UBE2F: variants seen among roughly 807,000 people sequenced by gnomAD.
UBE2F encodes the protein NEDD8-conjugating enzyme UBE2F.
UBE2F carries 5 observed loss-of-function variants against 29.6 expected under a neutral mutation model. The observed-to-expected ratio is 0.17, with a 90% CI of 0.09 to 0.36. UBE2F has a LOEUF of 0.36. Among genes scored for constraint, UBE2F ranks in the 10% least tolerant of loss-of-function variants. UBE2F has a pLI of 1.00. For missense variants in UBE2F, 141 were observed against 228.5 expected (o/e 0.62, Z 2.47); for synonymous variants, 66 against 81.8 (o/e 0.81, Z 1.04).
chr2:238,036,369 G>A (rs1484547787), intron 9 of UBE2F, among the ~76,000 whole-genome samples: 1 of 151,962 alleles, frequency 6.6e-6, no homozygotes, highest in Non-Finnish European at 1.5e-5. Flanking sequence ...TTGTAGAGAT[G>A]GAGTCTCGCT....
Position 237,972,541 on chromosome 2 carries a change from ATTTTT to A in UBE2F, c.-16-528_-16-524del, listed in dbSNP as rs57914670. ...AATGCATGACTCTTTTTAATTTTAAATTTTTTTTTTTTTTTTTTTTTTTTTTTGAG... is the reference window on the plus strand; with the variant it reads ...AATGCATGACTCTTTTTAATTTTAAATTTTTTTTTTTTTTTTTTTTTTGAG... On this transcript the variant is annotated intron_variant, in intron 1 of 9. Transcript: ENST00000272930. 1.1e-3 allele frequency among the ~76,000 whole-genome samples: 142 copies of A among 124,212 alleles called. 5 individuals carry two copies. The highest frequency in any genetic ancestry group is 3.0e-3 in the African/African-American group (99 of 33,270). 81.5% of individuals were successfully genotyped at this position (124,212 alleles called of 152,430 possible).
chr2:238,033,114 G>A (rs938965155), intron 8 of UBE2F, among the ~76,000 whole-genome samples: 12 of 152,202 alleles, frequency 7.9e-5, no homozygotes, highest in African/African-American at 2.7e-4. Flanking sequence ...AGGTGTTCTG[G>A]TTGGGGTGGA....
chr2:238,025,252 T>A lies in UBE2F; in HGVS notation c.283-90T>A. 6 of 1,110,012 alleles carry A rather than the reference T, an allele frequency of 5.4e-6. No homozygotes were observed. The South Asian group carries it at 7.6e-5, about 14-fold the overall frequency. The allele number at this position is 1,110,012 out of a possible 1,614,324, so 68.8% of individuals were successfully genotyped here. On this transcript the variant is annotated intron_variant, in intron 5 of 9. Transcript: ENST00000272930. ...CACTGAGTCAGCCATGAAACAAGCGTCTAGATAGGGGATGTGGTAAGGCTC... is the reference window on the plus strand; with the variant it reads ...CACTGAGTCAGCCATGAAACAAGCGACTAGATAGGGGATGTGGTAAGGCTC...
intron 5 of UBE2F, 50 bp downstream of exon 5, chr2:238,016,683 C>A: frequency 6.5e-7 from 1 of 1,537,016 alleles, no homozygotes; most frequent in Non-Finnish European, 8.9e-7. Context: ...GCGGGGCTGC[C>A]TGTGGCTGTG....
intron 1 of UBE2F, among the ~76,000 whole-genome samples, chr2:237,970,888 T>C (rs1446494880): frequency 6.6e-6 from 1 of 152,154 alleles, no homozygotes; most frequent in Non-Finnish European, 1.5e-5. Flanking sequence ...TTTTTTGGTA[T>C]TTTTAGTGGA....
intron 6 of UBE2F, 146 bp downstream of exon 6, chr2:238,025,558 G>C: frequency 1.4e-6 from 1 of 720,464 alleles, no homozygotes; most frequent in Non-Finnish European, 2.4e-6. Context: ...AGCTGCGGTT[G>C]CCTGCCTGCT....
intron 2 of UBE2F, among the ~76,000 whole-genome samples, chr2:237,975,355 G>T (rs1289672015): frequency 6.6e-6 from 1 of 151,174 alleles, no homozygotes; most frequent in Non-Finnish European, 1.5e-5. Flanking sequence ...AGTGATCCAC[G>T]CACCTCGGCC....
chr2:237,996,507 C>T (rs1440726807), intron 4 of UBE2F, among the ~76,000 whole-genome samples: 1 of 148,546 alleles, frequency 6.7e-6, no homozygotes, highest in East Asian at 2.0e-4. Flanking sequence ...CCAAGTCTCA[C>T]TCTGCCACCC....
intron 2 of UBE2F, among the ~76,000 whole-genome samples, chr2:237,977,996 A>G (rs2063314849): frequency 6.6e-6 from 1 of 152,140 alleles, no homozygotes; most frequent in Non-Finnish European, 1.5e-5. Context: ...CGAGGGAAGC[A>G]ACAGCAGGCA....
At chr2:238,026,347 T>C (rs1250970160) in intron 6 of UBE2F, among the ~76,000 whole-genome samples, 1 of 152,246 alleles carries the variant, frequency 6.6e-6, no homozygotes, top group Non-Finnish European at 1.5e-5. Flanking sequence ...GTATCTCTTT[T>C]CTTTCATTCC....
chr2:238,011,713 C>T lies in UBE2F; in HGVS notation c.215-4853C>T, dbSNP rs139015298. 4.7e-4 allele frequency among the ~76,000 whole-genome samples: 72 copies of T among 152,298 alleles called. 1 individual carries two copies. In the East Asian group the frequency reaches 0.014, roughly 29 times the overall value. ...AATGAATATTATTTTATGCTAGAAA[C>T]AAAGGTCTGATACCAGTTTTCTTCC... On this transcript the variant is annotated intron_variant, in intron 4 of 9. Coordinates refer to ENST00000272930, the MANE Select transcript of UBE2F (RefSeq NM_080678.3).
At chr2:237,968,826 A>T (rs1576582326) in intron 1 of UBE2F, 1 of 984,730 alleles carries the variant, frequency 1.0e-6, no homozygotes, top group East Asian at 1.1e-4. Context: ...CGTAATTTGC[A>T]GGAAAGAGGA....
chr2:238,009,335 C>G (rs1320927932), intron 4 of UBE2F, among the ~76,000 whole-genome samples: 1 of 152,170 alleles, frequency 6.6e-6, no homozygotes, highest in Non-Finnish European at 1.5e-5. Context: ...TTCTGGCACT[C>G]TAGTTTATAT....
chr2:238,037,686 A>C (rs926115142), intron 9 of UBE2F, among the ~76,000 whole-genome samples: 19 of 151,972 alleles, frequency 1.3e-4, no homozygotes, highest in Non-Finnish European at 2.2e-4. Context: ...GCTCACTGCA[A>C]CCTCTATCTC....
chr2:238,038,539 A>C (rs962031614), intron 9 of UBE2F, among the ~76,000 whole-genome samples: 2 of 152,216 alleles, frequency 1.3e-5, no homozygotes, highest in Non-Finnish European at 2.9e-5. Context: ...ACCAAGCCTT[A>C]TCAGATAGAA....
intron 2 of UBE2F, among the ~76,000 whole-genome samples, chr2:237,976,590 G>A (rs776980761): frequency 2.6e-4 from 40 of 152,246 alleles, no homozygotes; most frequent in African/African-American, 7.5e-4. Flanking sequence ...CCTTGTTGCC[G>A]TGTCTTCACA....
chr2:238,006,759 C>CTTTTTTTTTT (rs60514924), intron 4 of UBE2F, among the ~76,000 whole-genome samples: 1,527 of 124,986 alleles, frequency 0.012, 22 homozygotes, highest in African/African-American at 0.043. Context: ...TTTCTTTTTT[C>CTTTTTTTTTT]TTTTTTTTTT....
chr2:238,011,510 T>C (rs1173435287), intron 4 of UBE2F, among the ~76,000 whole-genome samples: 1 of 152,268 alleles, frequency 6.6e-6, no homozygotes, highest in Admixed American at 6.5e-5. Flanking sequence ...CTCTTGTTGA[T>C]GTGTCACCAG....
chr2:238,014,760 A>G (rs7422573), intron 4 of UBE2F, among the ~76,000 whole-genome samples: 71,029 of 152,028 alleles, frequency 0.47, 16,707 homozygotes, highest in East Asian at 0.56. Context: ...ACAGTGGTCA[A>G]TATCACAATA....
Sources: allele counts gnomAD v4.1 joint callset (sites outside exome capture counted in the v4.1 genomes callset), GRCh38; gene constraint gnomAD v4.1.1; transcripts MANE v1.5; gene names NCBI Gene and HGNC (gene_info 2026-07-23, HGNC 2026-07-21).